TSNAX: variants seen among roughly 807,000 people sequenced by gnomAD.
The protein encoded by TSNAX is translin associated factor X, also known as translin-associated protein X.
A neutral mutation model predicts 33.0 loss-of-function variants in TSNAX; 12 were observed. The observed-to-expected ratio is 0.36, with a 90% CI of 0.23 to 0.59. The LOEUF (loss-of-function observed/expected upper bound fraction) is 0.59, where lower values mean the gene tolerates loss of function less well. TSNAX is among the 20% of genes least tolerant of loss of function. TSNAX has a pLI of 0.74. For missense variants in TSNAX, 267 were observed against 341.3 expected (o/e 0.78, Z 1.72); for synonymous variants, 110 against 117.2 (o/e 0.94, Z 0.40).
chr1:231,529,123 C>A, intron 1 of TSNAX, 132 bp from the exon 2 acceptor site: 1 of 883,456 alleles, frequency 1.1e-6, no homozygotes, highest in Non-Finnish European at 1.7e-6. Context: ...CTCTGTCAGT[C>A]TGCGGAGAAA....
At chr1:231,552,448 T>TA (rs1485254293) in intron 4 of TSNAX, among the ~76,000 whole-genome samples, 1 of 152,212 alleles carries the variant, frequency 6.6e-6, no homozygotes, top group Non-Finnish European at 1.5e-5. Context: ...TATTTGAAAG[T>TA]AGATTTTTAG....
chr1:231,545,973 C>A (rs1414734083), intron 4 of TSNAX, among the ~76,000 whole-genome samples: 1 of 152,204 alleles, frequency 6.6e-6, no homozygotes, highest in Admixed American at 6.5e-5. Flanking sequence ...CTTAACTTTA[C>A]AACCTAACTC....
At chr1:231,562,996 G>A (rs1661211101) in intron 5 of TSNAX, among the ~76,000 whole-genome samples, 1 of 152,130 alleles carries the variant, frequency 6.6e-6, no homozygotes. Context: ...TGATGAGGAC[G>A]TTGCACCAAA....
At chr1:231,547,691 A>ACC (rs2124916508) in intron 4 of TSNAX, among the ~76,000 whole-genome samples, 1 of 151,804 alleles carries the variant, frequency 6.6e-6, no homozygotes, top group East Asian at 1.9e-4. Flanking sequence ...GTGCCCAGCC[A>ACC]ATTTGCTGTT....
intron 3 of TSNAX, 86 bp downstream of exon 3, chr1:231,537,413 C>T: frequency 4.7e-6 from 4 of 847,338 alleles, no homozygotes; most frequent in South Asian, 1.7e-5. Context: ...AAGACATCAG[C>T]AGTAGGTACA....
In TSNAX at chr1:231,537,625, C is replaced by T. The variant is rs368419240; in HGVS notation, c.236+298C>T. ...GATTGGTGGTGCATGCCTATCATCCCGGCTACTTGGGAGGCTGAGGTGGGA... is the reference window on the plus strand; with the variant it reads ...GATTGGTGGTGCATGCCTATCATCCTGGCTACTTGGGAGGCTGAGGTGGGA... On this transcript the variant is annotated intron_variant, in intron 3 of 5. Coordinates refer to ENST00000366639, the MANE Select transcript of TSNAX (RefSeq NM_005999.3). Among the ~76,000 whole-genome samples, 3 of 151,632 alleles carry T rather than the reference C, an allele frequency of 2.0e-5. No individual in the cohort carries two copies. The South Asian group carries it at 6.2e-4, about 31-fold the overall frequency.
chr1:231,557,849 T>G (rs983489246), intron 4 of TSNAX, among the ~76,000 whole-genome samples: 3 of 152,132 alleles, frequency 2.0e-5, no homozygotes, highest in Non-Finnish European at 4.4e-5. Context: ...TTCCTTATTG[T>G]ATTCATCAGG....
chr1:231,558,907 C>T (rs1316766683), intron 4 of TSNAX, among the ~76,000 whole-genome samples: 1 of 152,128 alleles, frequency 6.6e-6, no homozygotes, highest in Non-Finnish European at 1.5e-5. Flanking sequence ...TCATTTGCAG[C>T]TCAGAATGAG....
chr1:231,549,270 C>G (rs181979873), intron 4 of TSNAX, among the ~76,000 whole-genome samples: 129 of 152,170 alleles, frequency 8.5e-4, no homozygotes, highest in African/African-American at 3.0e-3. Context: ...GTGATGAAAC[C>G]CCATGTCTAT....
At chr1:231,537,115 G>A in intron 2 of TSNAX, 98 bp from the exon 3 acceptor site, 2 of 874,070 alleles carry the variant, frequency 2.3e-6, no homozygotes, top group Non-Finnish European at 3.5e-6. Flanking sequence ...ACAGGCGTGA[G>A]CCACCGCACC....
intron 4 of TSNAX, among the ~76,000 whole-genome samples, chr1:231,547,191 A>G (rs1415066964): frequency 6.6e-6 from 1 of 151,970 alleles, no homozygotes; most frequent in Non-Finnish European, 1.5e-5. Context: ...TTTGAAAGTG[A>G]TTTTATAACT....
At chr1:231,553,486 A>G (rs1293181943) in intron 4 of TSNAX, among the ~76,000 whole-genome samples, 1 of 152,208 alleles carries the variant, frequency 6.6e-6, no homozygotes, top group Non-Finnish European at 1.5e-5. Context: ...GTTTGATGGA[A>G]TATGGCAGTA....
At chr1:231,554,376 C>G (rs777206229) in intron 4 of TSNAX, among the ~76,000 whole-genome samples, 1 of 151,960 alleles carries the variant, frequency 6.6e-6, no homozygotes, top group Non-Finnish European at 1.5e-5. Context: ...AAGGAATTTA[C>G]GGGAAAAAGT....
intron 4 of TSNAX, among the ~76,000 whole-genome samples, chr1:231,553,378 A>G (rs1157167864): frequency 6.6e-6 from 1 of 152,260 alleles, no homozygotes; most frequent in Non-Finnish European, 1.5e-5. Flanking sequence ...AACAATTTAC[A>G]TAAAAGCAAC....
chr1:231,564,390 A>C, intron 5 of TSNAX, 138 bp from the exon 6 acceptor site: 1 of 1,449,844 alleles, frequency 6.9e-7, no homozygotes, highest in Non-Finnish European at 9.1e-7. Context: ...TTTATTTAGA[A>C]AAAATTAGTA....
Position 231,545,944 on chromosome 1 carries a change from A to C in TSNAX, c.367+3333A>C, listed in dbSNP as rs199525128. Among the ~76,000 whole-genome samples, 523 of 152,260 alleles carry C rather than the reference A, an allele frequency of 3.4e-3. 6 individuals are homozygous for C. Among genetic ancestry groups the C allele is most frequent in the Non-Finnish European group, 5.6e-3 (383 of 68,024 alleles). On this transcript the variant is annotated intron_variant, in intron 4 of 5. Coordinates refer to ENST00000366639, the MANE Select transcript of TSNAX (RefSeq NM_005999.3). ...CACGTGGTACCATTGGTTTCTTCCC[A>C]CATGGATTTCATTTACCTCTTAACT...
In TSNAX at chr1:231,561,184, T is replaced by C; in HGVS notation, c.424T>C (p.Leu142=). 1 of 1,606,026 alleles carries C rather than the reference T, an allele frequency of 6.2e-7. No individual in the cohort carries two copies. The highest frequency in any genetic ancestry group is 8.5e-7 in the Non-Finnish European group (1 of 1,173,898). ...SFQHFIKTRS[L]ISMDEINKQL... ...TCAACACTTCATCAAAACACGATCA[T>C]TAATTAGTATGGATGAAATTAATAA... The change falls in exon 5 of 6, where the codon TTA becomes CTA. Residue 142 remains leucine, a synonymous_variant. Coordinates refer to ENST00000366639, the MANE Select transcript of TSNAX (RefSeq NM_005999.3).
chr1:231,538,966 G>A (rs1022760688), intron 3 of TSNAX, among the ~76,000 whole-genome samples: 21 of 150,478 alleles, frequency 1.4e-4, no homozygotes, highest in Admixed American at 6.0e-4. Flanking sequence ...GAAGTATTCC[G>A]TTCAGTAACA....
At chr1:231,560,744 T>TA (rs1439782891) in intron 4 of TSNAX, among the ~76,000 whole-genome samples, 1 of 150,056 alleles carries the variant, frequency 6.7e-6, no homozygotes, top group Non-Finnish European at 1.5e-5. Flanking sequence ...AAATCCTAAT[T>TA]ACTTAAACTC....
Sources: gnomAD v4.1 joint callset for allele counts (sites outside exome capture counted in the v4.1 genomes callset) on GRCh38, gnomAD v4.1.1 for gene constraint, MANE v1.5 for transcripts, NCBI Gene and HGNC (gene_info 2026-07-23, HGNC 2026-07-21) for gene names.